The following ITGA11 variants were observed in gnomAD, a reference collection of about 807,000 sequenced individuals.
ITGA11 encodes integrin alpha-11.
A neutral mutation model predicts 141.9 loss-of-function variants in ITGA11; 97 were observed. The observed-to-expected ratio is 0.68, with a 90% confidence interval of 0.58 to 0.81. ITGA11 has a LOEUF of 0.81. Among genes scored for constraint, ITGA11 ranks in the 30% least tolerant of loss-of-function variants. ITGA11 has a pLI of 0.00. For synonymous variants in ITGA11, 658 were observed against 624.6 expected (o/e 1.05, Z -0.80); for missense variants, 1,387 against 1,559.2 (o/e 0.89, Z 1.86).
intron 4 of ITGA11, 113 bp from the exon 5 acceptor site, chr15:68,361,817 A>C (rs1040381551): frequency 2.9e-6 from 2 of 687,026 alleles, no homozygotes; most frequent in Admixed American, 5.0e-5. Flanking sequence ...CTTCTATCTG[A>C]GGGGTGAGGG....
chr15:68,423,244 A>G (rs530776518), intron 1 of ITGA11, among the ~76,000 whole-genome samples: 2 of 152,266 alleles, frequency 1.3e-5, no homozygotes, highest in East Asian at 3.9e-4. Context: ...GGCAACTGGA[A>G]TGCTGTATGG....
chr15:68,301,709 T>C lies in ITGA11; in HGVS notation c.*1350A>G, dbSNP rs1209511498. 6.6e-6 allele frequency: 1 copy of C among 152,598 alleles called. No individual in the cohort carries two copies. The highest frequency in any genetic ancestry group is 1.5e-5 in the Non-Finnish European group (1 of 68,056). The allele number at this position is 152,598 out of a possible 1,614,324, so 9.5% of individuals were successfully genotyped here. ...AATGGGATGTCAGTGCTTGGTTGTT[T>C]TTAAACACTGTATTTTTAATTTTTC... On this transcript the variant is annotated 3_prime_UTR_variant, in exon 30 of 30. Coordinates refer to ENST00000315757, the MANE Select transcript of ITGA11 (RefSeq NM_001004439.2). The surrounding 1 kb of genome is among the most constrained non-coding windows in gnomAD (Gnocchi z 4.4).
chr15:68,375,498 C>T (rs942029158), intron 2 of ITGA11, among the ~76,000 whole-genome samples: 1 of 152,146 alleles, frequency 6.6e-6, no homozygotes, highest in Non-Finnish European at 1.5e-5. Flanking sequence ...CCCGGGGCTG[C>T]CCTGGCTGGG....
At chr15:68,392,546 A>G (rs892952040) in intron 2 of ITGA11, among the ~76,000 whole-genome samples, 2 of 152,210 alleles carry the variant, frequency 1.3e-5, no homozygotes, top group Non-Finnish European at 2.9e-5. Flanking sequence ...ACAGGAAAAG[A>G]GTCTCAAAAG....
In ITGA11 at chr15:68,322,646, C is replaced by T. The variant is rs904104634; in HGVS notation, c.2323-1143G>A. On this transcript the variant is annotated intron_variant, in intron 18 of 29. Coordinates refer to ENST00000315757, the MANE Select transcript of ITGA11 (RefSeq NM_001004439.2). This position sits in a 1 kb window ranked among gnomAD's most constrained non-coding sequence, Gnocchi z 5.6. Reference sequence around the variant, plus strand: ...CTCTGGGAGGCTGAGACAGGTGGATCAACTGAGGTCAGGAGTTCAAGAACA... The same window carrying T: ...CTCTGGGAGGCTGAGACAGGTGGATTAACTGAGGTCAGGAGTTCAAGAACA... Among the ~76,000 whole-genome samples, 3 of 151,920 alleles carry T rather than the reference C, an allele frequency of 2.0e-5. No homozygotes were observed. The highest frequency in any genetic ancestry group is 7.3e-5 in the African/African-American group (3 of 41,324).
rs779939625 is a variant in ITGA11 at position 68,351,241 on chromosome 15, G to A, written c.894+17C>T. ...TCTCAGAGGCCATCAGCAGCCCTTG[G>A]GCGGGCCAGGACTTACGGCCACCGC... On this transcript the variant is annotated intron_variant, in intron 8 of 29. Coordinates refer to ENST00000315757, the MANE Select transcript of ITGA11 (RefSeq NM_001004439.2). 12 of 1,613,326 alleles carry A rather than the reference G, an allele frequency of 7.4e-6. No individual in the cohort carries two copies. In the African/African-American group the frequency reaches 1.6e-4, roughly 21 times the overall value.
chr15:68,299,321 A>T lies in ITGA11; in HGVS notation c.*3738T>A, dbSNP rs915471353. The T allele has an allele frequency of 3.3e-5, 5 of 152,216 alleles. No individual in the cohort carries two copies. The highest frequency in any genetic ancestry group is 1.2e-4 in the African/African-American group (5 of 41,442). The allele number at this position is 152,216 out of a possible 1,614,324, so 9.4% of individuals were successfully genotyped here. A position where few individuals can be genotyped will look rare whatever the true frequency, so the allele number is the denominator to read the frequency against. ...AAACTAATAGAATAGACAGTGACAC[A>T]AAAGCACTGTGCAGATTTTAACGTG... On this transcript the variant is annotated 3_prime_UTR_variant, in exon 30 of 30. Coordinates refer to ENST00000315757, the MANE Select transcript of ITGA11 (RefSeq NM_001004439.2).
intron 5 of ITGA11, among the ~76,000 whole-genome samples, chr15:68,359,716 G>A (rs886350508): frequency 7.9e-5 from 12 of 151,236 alleles, no homozygotes; most frequent in African/African-American, 2.9e-4. Context: ...AATCAACAAA[G>A]AAAATTAAGA....
chr15:68,389,353 T>G (rs1896062173), intron 2 of ITGA11, among the ~76,000 whole-genome samples: 1 of 152,230 alleles, frequency 6.6e-6, no homozygotes, highest in African/African-American at 2.4e-5. Flanking sequence ...GCAAATACAC[T>G]TAGTGCTGGG....
At chr15:68,403,461 CT>C (rs1357221426) in intron 1 of ITGA11, among the ~76,000 whole-genome samples, 1 of 152,074 alleles carries the variant, frequency 6.6e-6, no homozygotes, top group Non-Finnish European at 1.5e-5. Context: ...GGCCTCCCCC[CT>C]CTCTTTCTTG....
At position 68,383,183 on chromosome 15, in the gene ITGA11, A is replaced by G. The variant is rs145534711; in HGVS notation, c.165-13899T>C. Among the ~76,000 whole-genome samples the G allele has an allele frequency of 2.6e-3, 403 of 152,190 alleles. 2 individuals carry two copies. The highest frequency in any genetic ancestry group is 9.3e-3 in the African/African-American group (387 of 41,520). On this transcript the variant is annotated intron_variant, in intron 2 of 29. Transcript: ENST00000315757. ...CTAGTCGGGAGGCTGAGGGAGGAGA[A>G]TGGCGTGAACTCGGGAGGCAGAGCT... is the stretch of plus-strand genomic sequence containing the variant.
chr15:68,394,321 C>T (rs1896183703), intron 2 of ITGA11, among the ~76,000 whole-genome samples: 1 of 152,104 alleles, frequency 6.6e-6, no homozygotes, highest in South Asian at 2.1e-4. Flanking sequence ...ACTAGAAAAT[C>T]TCCAAATATT....
At chr15:68,405,029 C>T (rs900511570) in intron 1 of ITGA11, among the ~76,000 whole-genome samples, 2 of 152,198 alleles carry the variant, frequency 1.3e-5, no homozygotes, top group African/African-American at 2.4e-5. Flanking sequence ...GGCTTGGACC[C>T]GCACACGAGT....
chr15:68,315,140 C>G (rs1893530400), intron 22 of ITGA11, among the ~76,000 whole-genome samples: 1 of 152,124 alleles, frequency 6.6e-6, no homozygotes, highest in Non-Finnish European at 1.5e-5. Context: ...AGAGAGGTGA[C>G]TAGGACAGGA....
intron 2 of ITGA11, among the ~76,000 whole-genome samples, chr15:68,395,290 C>T (rs372985636): frequency 2.7e-4 from 41 of 152,294 alleles, no homozygotes; most frequent in African/African-American, 8.4e-4. Context: ...ATCGCAGATC[C>T]TCACCAGCAA....
intron 3 of ITGA11, among the ~76,000 whole-genome samples, chr15:68,367,398 C>A (rs1367878986): frequency 1.3e-5 from 2 of 152,188 alleles, no homozygotes; most frequent in Non-Finnish European, 2.9e-5. Flanking sequence ...TCCAACAGGG[C>A]AGACTTGTTC....
chr15:68,310,461 G>T (rs1271564173), intron 26 of ITGA11, among the ~76,000 whole-genome samples: 1 of 152,134 alleles, frequency 6.6e-6, no homozygotes, highest in African/African-American at 2.4e-5. Flanking sequence ...GTGAGAAACT[G>T]GTATCTGGAG....
At chr15:68,348,124 G>C (rs1414696693) in intron 10 of ITGA11, among the ~76,000 whole-genome samples, 1 of 152,206 alleles carries the variant, frequency 6.6e-6, no homozygotes, top group Non-Finnish European at 1.5e-5. Flanking sequence ...GTCCTGGGAG[G>C]CTCCAGCCCC....
intron 2 of ITGA11, among the ~76,000 whole-genome samples, chr15:68,375,841 GT>G (rs35860391): frequency 6.6e-6 from 1 of 152,168 alleles, no homozygotes; most frequent in African/African-American, 2.4e-5. Flanking sequence ...CTGTGAGGGT[GT>G]TTTTTGCATG....
Sources: gnomAD v4.1 joint callset for allele counts (sites outside exome capture counted in the v4.1 genomes callset) on GRCh38, gnomAD v4.1.1 for gene constraint, Gnocchi (gnomAD v3.1) non-coding constraint, MANE v1.5 for transcripts, NCBI Gene and HGNC (gene_info 2026-07-23, HGNC 2026-07-21) for gene names.